Variants in COL5A1 observed in about 807,000 individuals in gnomAD.
COL5A1 encodes the protein collagen type V alpha 1 chain.
Under a neutral mutation model 263.7 loss-of-function variants are expected in COL5A1, and 16 were observed. The observed-to-expected ratio is 0.06, with a 90% CI of 0.04 to 0.09. The LOEUF (loss-of-function observed/expected upper bound fraction) is 0.09. Ranked by LOEUF, COL5A1 falls within the 10% of genes least tolerant of loss-of-function variation. COL5A1 has a pLI of 1.00. For synonymous variants in COL5A1, 1,012 were observed against 1,004.5 expected, an observed-to-expected ratio of 1.01 and a Z score of -0.14; for missense variants, 2,036 against 2,540.5, an observed-to-expected ratio of 0.80 and a Z score of 4.27.
At chr9:134,704,914 AT>A (rs1280267612) in intron 4 of COL5A1, among the ~76,000 whole-genome samples, 1 of 151,654 alleles carries the variant, frequency 6.6e-6, no homozygotes, top group African/African-American at 2.4e-5. Context: ...AGTAAAAGTG[AT>A]TTATCTCTGC....
At chr9:134,650,648 T>C (rs1197702251) in intron 1 of COL5A1, among the ~76,000 whole-genome samples, 2 of 152,222 alleles carry the variant, frequency 1.3e-5, no homozygotes, top group Non-Finnish European at 2.9e-5. Context: ...CATGGGGCGG[T>C]GGCCAGTCAG....
chr9:134,728,296 G>A (rs1032382878), intron 5 of COL5A1, among the ~76,000 whole-genome samples: 1 of 152,246 alleles, frequency 6.6e-6, no homozygotes, highest in African/African-American at 2.4e-5. Context: ...CCTGGGCTTT[G>A]AGGCTTGGGG....
At chr9:134,719,066 G>T (rs1474667077) in intron 4 of COL5A1, among the ~76,000 whole-genome samples, 1 of 152,184 alleles carries the variant, frequency 6.6e-6, no homozygotes, top group Non-Finnish European at 1.5e-5. Context: ...CGGGGAAGTG[G>T]GGTGGGCTTA....
In COL5A1 at chr9:134,837,661, C is replaced by T. The variant is rs142848497; in HGVS notation, c.5370+2457C>T. Reference sequence around the variant, plus strand: ...TTAAATTCCACAAGCAGAGAGGGCTCTTGCTCAGCCCAGTGTCTCCCGGTG... The same window carrying T: ...TTAAATTCCACAAGCAGAGAGGGCTTTTGCTCAGCCCAGTGTCTCCCGGTG... On this transcript the variant is annotated intron_variant, in intron 65 of 65. Transcript: ENST00000371817. Among the ~76,000 whole-genome samples, 67 of 151,840 alleles carry T rather than the reference C, an allele frequency of 4.4e-4. No individual in the cohort carries two copies. The East Asian group carries it at 0.011, about 25-fold the overall frequency.
rs544139129 is a variant in COL5A1, at chr9:134,757,912, G to C, written c.1882-331G>C. Among the ~76,000 whole-genome samples, 38 of 152,284 alleles carry C rather than the reference G, an allele frequency of 2.5e-4. No individual in the cohort carries two copies. Among genetic ancestry groups the C allele is most frequent in the Non-Finnish European group, 4.7e-4 (32 of 68,018 alleles). On this transcript the variant is annotated intron_variant, in intron 17 of 65. Transcript: ENST00000371817. The surrounding 1 kb of genome is among the most constrained non-coding windows in gnomAD (Gnocchi z 6.2). ...TGCTCTCCTGGAGCCTCCCTGGGGTGGGGGAGATCAGCAGCAGACACTCAC... is the reference window on the plus strand; with the variant it reads ...TGCTCTCCTGGAGCCTCCCTGGGGTCGGGGAGATCAGCAGCAGACACTCAC...
At chr9:134,815,709 G>A (rs1007851730) in intron 51 of COL5A1, 80 bp downstream of exon 51, 3 of 1,504,508 alleles carry the variant, frequency 2.0e-6, no homozygotes, top group Non-Finnish European at 2.7e-6. Flanking sequence ...CCCTCTTTCT[G>A]GTGGTTCTTT....
At chr9:134,834,805 G>A (rs1297227909) in intron 64 of COL5A1, among the ~76,000 whole-genome samples, 166 bp from the exon 65 acceptor site, 2 of 152,214 alleles carry the variant, frequency 1.3e-5, no homozygotes, top group East Asian at 3.8e-4. Context: ...ACACGCAAGA[G>A]AGCCCATGTG....
chr9:134,787,836 C>T (rs1394925381), intron 31 of COL5A1, among the ~76,000 whole-genome samples: 3 of 152,240 alleles, frequency 2.0e-5, no homozygotes, highest in African/African-American at 7.2e-5. Flanking sequence ...TTCTCCCAAA[C>T]ACCAGCCACC....
intron 1 of COL5A1, among the ~76,000 whole-genome samples, chr9:134,657,669 G>A (rs983234992): frequency 6.7e-6 from 1 of 149,144 alleles, no homozygotes; most frequent in African/African-American, 2.5e-5. Context: ...TAATATGGGG[G>A]GTGAGGGCTG....
intron 1 of COL5A1, among the ~76,000 whole-genome samples, chr9:134,645,238 G>A (rs1258441647): frequency 6.6e-6 from 1 of 152,334 alleles, no homozygotes; most frequent in South Asian, 2.1e-4. Flanking sequence ...ACCCCGCCCT[G>A]CAGATATTTC....
intron 28 of COL5A1, among the ~76,000 whole-genome samples, chr9:134,780,485 C>G (rs1353851155): frequency 6.6e-6 from 1 of 152,226 alleles, no homozygotes; most frequent in Non-Finnish European, 1.5e-5. Context: ...TGTCACCCTC[C>G]CCACTCCCAG....
rs1350520607 is a variant in COL5A1, at chr9:134,680,277, C to A, written c.110-10635C>A. Among the ~76,000 whole-genome samples the A allele has an allele frequency of 6.6e-6, 1 of 152,120 alleles. No homozygotes were observed. The highest frequency in any genetic ancestry group is 6.5e-5 in the Admixed American group (1 of 15,282). The stretch of plus-strand genomic sequence containing the variant: ...CAGGCCCGGCTACAGGCCATTTTCT[C>A]ACCCTGTGAAACACTGCGGGTCGGT... On this transcript the variant is annotated intron_variant, in intron 1 of 65. Transcript: ENST00000371817. The surrounding 1 kb of genome is among the most constrained non-coding windows in gnomAD (Gnocchi z 5.9).
intron 4 of COL5A1, among the ~76,000 whole-genome samples, chr9:134,718,250 C>T (rs1006378926): frequency 2.6e-5 from 4 of 152,232 alleles, no homozygotes; most frequent in South Asian, 2.1e-4. Context: ...CATCTTCCGT[C>T]GAACGTGGCC....
At chr9:134,779,987 G>A (rs982191869) in intron 27 of COL5A1, 115 bp from the exon 28 acceptor site, 10 of 1,143,508 alleles carry the variant, frequency 8.7e-6, no homozygotes, top group African/African-American at 1.5e-5. Context: ...AGGGCAGGGC[G>A]CTGGCCTCAT....
intron 24 of COL5A1, 91 bp downstream of exon 24, chr9:134,767,445 C>T: frequency 8.3e-7 from 1 of 1,211,906 alleles, no homozygotes; most frequent in South Asian, 1.2e-5. Flanking sequence ...TATCCACCAG[C>T]TCTCAATGTA....
At position 134,811,749 on chromosome 9, in the gene COL5A1, G is replaced by T. The variant is rs957587809; in HGVS notation, c.3690+150G>T. 9.4e-5 allele frequency: 65 copies of T among 691,188 alleles called. No individual in the cohort carries two copies. The East Asian group carries it at 1.7e-3, about 18-fold the overall frequency. The allele number at this position is 691,188 out of a possible 1,614,324, so 42.8% of individuals were successfully genotyped here. ...GGGCCTCCTCATTCCAACTGGAAGTGCTGTAGCTTCCCAGAATTCCAGACA... is the reference window on the plus strand; with the variant it reads ...GGGCCTCCTCATTCCAACTGGAAGTTCTGTAGCTTCCCAGAATTCCAGACA... On this transcript the variant is annotated intron_variant, in intron 46 of 65. Coordinates refer to ENST00000371817, the MANE Select transcript of COL5A1 (RefSeq NM_000093.5).
intron 42 of COL5A1, 136 bp from the exon 43 acceptor site, chr9:134,809,047 C>T: frequency 1.2e-6 from 1 of 804,730 alleles, no homozygotes; most frequent in East Asian, 2.7e-5. Context: ...GGCTGAAATC[C>T]ATTAGGACTG....
intron 50 of COL5A1, 58 bp from the exon 51 acceptor site, chr9:134,815,518 G>C (rs1218446992): frequency 6.4e-6 from 10 of 1,558,038 alleles, no homozygotes; most frequent in Non-Finnish European, 6.2e-6. Flanking sequence ...GATTGGCCGT[G>C]TGTGGTCTCA....
At position 134,642,229 on chromosome 9, in the gene COL5A1, C is replaced by T. The variant is rs1554772576; in HGVS notation, c.42C>T (p.Arg14=). 7.7e-7 allele frequency: 1 copy of T among 1,296,332 alleles called. No individual in the cohort carries two copies. Among genetic ancestry groups the T allele is most frequent in the South Asian group, 2.3e-5 (1 of 43,364 alleles). 80.3% of individuals were successfully genotyped at this position (1,296,332 alleles called of 1,614,324 possible). A position where few individuals can be genotyped will look rare whatever the true frequency, so the allele number is the denominator to read the frequency against. The stretch of plus-strand genomic sequence containing the variant: ...GCTGGAAAGCGCGCAGCGCGCTCCG[C>T]CCGGGCGCCCCGCTGCTGCCCCCGC... ...HTRWKARSAL[R]PGAPLLPPLL... The change falls in exon 1 of 66, where the codon CGC becomes CGT. Residue 14 remains arginine (R), a synonymous_variant. Coordinates refer to ENST00000371817, the MANE Select transcript of COL5A1 (RefSeq NM_000093.5). The surrounding 1 kb of genome is among the most constrained non-coding windows in gnomAD (Gnocchi z 4.5).
Sources: gnomAD v4.1 joint callset for allele counts (sites outside exome capture counted in the v4.1 genomes callset) on GRCh38, gnomAD v4.1.1 for gene constraint, Gnocchi (gnomAD v3.1) non-coding constraint, MANE v1.5 for transcripts, NCBI Gene and HGNC (gene_info 2026-07-23, HGNC 2026-07-21) for gene names.